The following ROR1 variants were observed in gnomAD, a reference collection of about 807,000 sequenced individuals.
ROR1 encodes ROR family WNT receptor 1.
ROR1 carries 19 observed loss-of-function variants against 78.8 expected under a neutral mutation model. The observed-to-expected ratio is 0.24, with a 90% confidence interval of 0.17 to 0.35. The LOEUF (loss-of-function observed/expected upper bound fraction) is 0.35. ROR1 is among the 10% of genes least tolerant of loss of function. ROR1 has a pLI of 1.00. For synonymous variants in ROR1, 386 were observed against 433.6 expected (o/e 0.89, Z 1.36); for missense variants, 917 against 1,177.8 (o/e 0.78, Z 3.24).
At chr1:63,975,010 G>A (rs544427637) in intron 1 of ROR1, among the ~76,000 whole-genome samples, 39 of 152,240 alleles carry the variant, frequency 2.6e-4, no homozygotes, top group African/African-American at 8.4e-4. Context: ...TTCTCCCAAC[G>A]TCTTTGTATT....
chr1:63,920,545 C>T (rs1645645813), intron 1 of ROR1, among the ~76,000 whole-genome samples: 2 of 152,270 alleles, frequency 1.3e-5, no homozygotes, highest in South Asian at 4.2e-4. Context: ...TTCTCCACCA[C>T]CATGATTCAT....
At chr1:63,839,267 G>A (rs532411882) in intron 1 of ROR1, among the ~76,000 whole-genome samples, 29 of 152,252 alleles carry the variant, frequency 1.9e-4, no homozygotes, top group East Asian at 5.8e-4. Flanking sequence ...TGAATTGGAC[G>A]GGGAAGCCAG....
Position 64,179,022 on chromosome 1 carries a change from CAGAA to C in ROR1, c.*169_*172del. On this transcript the variant is annotated 3_prime_UTR_variant, in exon 9 of 9. Transcript: ENST00000371079. Reference sequence around the variant, plus strand: ...TTACCAAGCAGGACAGACACTCGGCCAGAAAAAAAAAAAAAAAAAAAAAACAAGC... The same window carrying C: ...TTACCAAGCAGGACAGACACTCGGCCAAAAAAAAAAAAAAAAAAAACAAGC... The C allele has an allele frequency of 3.8e-5, 6 of 156,490 alleles. No individual in the cohort carries two copies. Among genetic ancestry groups the C allele is most frequent in the East Asian group, 2.1e-4 (2 of 9,360 alleles). The allele number at this position is 156,490 out of a possible 1,614,324, so 9.7% of individuals were successfully genotyped here. A position where few individuals can be genotyped will look rare whatever the true frequency, so the allele number is the denominator to read the frequency against.
At chr1:63,801,847 A>T (rs757261777) in intron 1 of ROR1, among the ~76,000 whole-genome samples, 3 of 152,150 alleles carry the variant, frequency 2.0e-5, no homozygotes, top group African/African-American at 7.2e-5. Flanking sequence ...GCTGGGTCTG[A>T]TGTTTGGAGG....
At chr1:64,116,717 T>C (rs1033642331) in intron 4 of ROR1, among the ~76,000 whole-genome samples, 4 of 152,136 alleles carry the variant, frequency 2.6e-5, no homozygotes, top group Non-Finnish European at 4.4e-5. Flanking sequence ...CACCAATCCG[T>C]GTAGTGAGAC....
At chr1:63,961,670 T>C (rs934426412) in intron 1 of ROR1, among the ~76,000 whole-genome samples, 1 of 152,142 alleles carries the variant, frequency 6.6e-6, no homozygotes, top group Admixed American at 6.6e-5. Flanking sequence ...GAATCGTGGT[T>C]ACCAGAGGCT....
intron 4 of ROR1, among the ~76,000 whole-genome samples, chr1:64,068,697 T>C (rs1278585770): frequency 6.6e-6 from 1 of 152,190 alleles, no homozygotes; most frequent in Non-Finnish European, 1.5e-5. Flanking sequence ...CTAAGTCTAG[T>C]TTTTTGACCT....
In ROR1 at chr1:64,132,760, CAAAAAAAAAAA is replaced by C. The variant is rs749607703; in HGVS notation, c.483-4595_483-4585del. On this transcript the variant is annotated intron_variant, in intron 4 of 8. Transcript: ENST00000371079. Reference sequence around the variant, plus strand: ...GCGCAATGGGAGCGAGACTCCATCTCAAAAAAAAAAAAAAAAAAAAAAAAGAGAGAGAGATA... The same window carrying C: ...GCGCAATGGGAGCGAGACTCCATCTCAAAAAAAAAAAAAGAGAGAGAGATA... Among the ~76,000 whole-genome samples the C allele has an allele frequency of 8.5e-4, 60 of 70,458 alleles. 1 individual carries two copies. Among genetic ancestry groups the C allele is most frequent in the Non-Finnish European group, 1.3e-3 (49 of 39,056 alleles). 46.2% of individuals were successfully genotyped at this position (70,458 alleles called of 152,430 possible). A position where few individuals can be genotyped will look rare whatever the true frequency, so the allele number is the denominator to read the frequency against.
At position 64,179,734 on chromosome 1, in the gene ROR1, C is replaced by T. The variant is rs527335582; in HGVS notation, c.*879C>T. On this transcript the variant is annotated 3_prime_UTR_variant, in exon 9 of 9. Coordinates refer to ENST00000371079, the MANE Select transcript of ROR1 (RefSeq NM_005012.4). ...GAAAAAGGGTTCCCATGGGGACAGCCCCCATAGGAGTTTTCTGGAACCAGT... is the reference window on the plus strand; with the variant it reads ...GAAAAAGGGTTCCCATGGGGACAGCTCCCATAGGAGTTTTCTGGAACCAGT... 6.6e-6 allele frequency: 1 copy of T among 152,180 alleles called. No individual in the cohort carries two copies. Among genetic ancestry groups the T allele is most frequent in the Non-Finnish European group, 1.5e-5 (1 of 68,002 alleles). The allele number at this position is 152,180 out of a possible 1,614,324, so 9.4% of individuals were successfully genotyped here.
chr1:63,986,420 C>T (rs1230442951), intron 1 of ROR1, among the ~76,000 whole-genome samples: 1 of 152,172 alleles, frequency 6.6e-6, no homozygotes, highest in Non-Finnish European at 1.5e-5. Context: ...TGAAAATGGG[C>T]ATCCCAAGAA....
rs905135277 is a variant in ROR1, at chr1:63,774,553, C to G, written c.91+45C>G. The G allele has an allele frequency of 4.3e-4, 428 of 994,012 alleles. No individual in the cohort carries two copies. Among genetic ancestry groups the G allele is most frequent in the Non-Finnish European group, 4.9e-4 (405 of 819,754 alleles). The allele number at this position is 994,012 out of a possible 1,614,324, so 61.6% of individuals were successfully genotyped here. ...CCCCGCCCGCCCAGACCCCCTGACCCGTGGCCACCCTTCCGCCGTCCAGCC... is the reference window on the plus strand; with the variant it reads ...CCCCGCCCGCCCAGACCCCCTGACCGGTGGCCACCCTTCCGCCGTCCAGCC... On this transcript the variant is annotated intron_variant, in intron 1 of 8. Transcript: ENST00000371079. This position sits in a 1 kb window ranked among gnomAD's most constrained non-coding sequence, Gnocchi z 5.7.
chr1:64,157,864 G>T (rs1195652049), intron 7 of ROR1, among the ~76,000 whole-genome samples: 1 of 152,150 alleles, frequency 6.6e-6, no homozygotes, highest in African/African-American at 2.4e-5. Context: ...TTGACTTACT[G>T]AATGAGTGGA....
At chr1:63,845,627 C>A (rs1473502613) in intron 1 of ROR1, among the ~76,000 whole-genome samples, 1 of 152,010 alleles carries the variant, frequency 6.6e-6, no homozygotes, top group Non-Finnish European at 1.5e-5. Context: ...AATCCTTGAC[C>A]CACTGTTTTG....
At chr1:63,795,181 G>A (rs1193514837) in intron 1 of ROR1, among the ~76,000 whole-genome samples, 1 of 152,142 alleles carries the variant, frequency 6.6e-6, no homozygotes, top group African/African-American at 2.4e-5. Flanking sequence ...TACATTCTTC[G>A]AGTTAGAAAT....
At chr1:63,821,375 A>T (rs758706980) in intron 1 of ROR1, among the ~76,000 whole-genome samples, 32 of 152,146 alleles carry the variant, frequency 2.1e-4, no homozygotes, top group Non-Finnish European at 4.1e-4. Flanking sequence ...TGTGGTTTTA[A>T]TTTCAAAGAC....
chr1:63,903,530 G>T (rs1487976991), intron 1 of ROR1, among the ~76,000 whole-genome samples: 3 of 151,838 alleles, frequency 2.0e-5, no homozygotes, highest in African/African-American at 7.3e-5. Context: ...GATACAAAAA[G>T]AAATACTCAA....
At chr1:64,116,492 C>G (rs1648320285) in intron 4 of ROR1, among the ~76,000 whole-genome samples, 1 of 152,096 alleles carries the variant, frequency 6.6e-6, no homozygotes. Flanking sequence ...AAGTATAGCT[C>G]TTTTACGAAA....
At chr1:63,784,807 T>G (rs911836781) in intron 1 of ROR1, among the ~76,000 whole-genome samples, 19 of 152,212 alleles carry the variant, frequency 1.2e-4, no homozygotes, top group African/African-American at 4.6e-4. Context: ...GTTGTTGGTG[T>G]GTGATCGAAG....
At chr1:63,860,562 T>TACAC (rs68153450) in intron 1 of ROR1, among the ~76,000 whole-genome samples, 13,967 of 126,292 alleles carry the variant, frequency 0.11, 949 homozygotes, top group East Asian at 0.24. Flanking sequence ...CTACTAAAAA[T>TACAC]ACACACACAC....
Sources: allele counts gnomAD v4.1 joint callset (sites outside exome capture counted in the v4.1 genomes callset), GRCh38; gene constraint gnomAD v4.1.1; non-coding constraint Gnocchi (gnomAD v3.1); transcripts MANE v1.5; gene names NCBI Gene and HGNC (gene_info 2026-07-23, HGNC 2026-07-21).